The following GPC5 variants were observed in gnomAD, a reference collection of about 807,000 sequenced individuals.
The protein encoded by GPC5 is glypican-5.
GPC5 carries 47 observed loss-of-function variants against 53.9 expected under a neutral mutation model. The observed-to-expected ratio is 0.87, with a 90% CI of 0.69 to 1.11. GPC5 has a LOEUF of 1.11. Among genes scored for constraint, GPC5 ranks in the 50% most tolerant of loss-of-function variants. The pLI, the probability that GPC5 is intolerant of heterozygous loss-of-function variation, is 0.00. For missense variants in GPC5, 748 were observed against 713.1 expected, an observed-to-expected ratio of 1.05 and a Z score of -0.56; for synonymous variants, 286 against 263.3, an observed-to-expected ratio of 1.09 and a Z score of -0.84.
intron 6 of GPC5, among the ~76,000 whole-genome samples, chr13:92,081,129 A>T (rs190761246): frequency 9.9e-5 from 15 of 151,848 alleles, no homozygotes; most frequent in Admixed American, 8.5e-4. Flanking sequence ...TTTTTTTGAG[A>T]TGGAGTTTCG....
chr13:91,885,324 TC>T (rs2039310324), intron 5 of GPC5, among the ~76,000 whole-genome samples: 1 of 152,230 alleles, frequency 6.6e-6, no homozygotes. Context: ...AGAAGAAAAG[TC>T]TTATCTAAGC....
chr13:92,796,316 A>G (rs1233011482), intron 7 of GPC5, among the ~76,000 whole-genome samples: 3 of 152,034 alleles, frequency 2.0e-5, no homozygotes, highest in Non-Finnish European at 4.4e-5. Context: ...GAACAGTGAC[A>G]ACACTTGGAC....
intron 6 of GPC5, among the ~76,000 whole-genome samples, chr13:92,111,258 T>C (rs545772438): frequency 2.0e-5 from 3 of 152,296 alleles, no homozygotes; most frequent in East Asian, 3.9e-4. Flanking sequence ...ATTCCTTTTA[T>C]GATCCAGAGA....
chr13:92,719,147 A>C (rs1037405479), intron 7 of GPC5, among the ~76,000 whole-genome samples: 2 of 151,788 alleles, frequency 1.3e-5, no homozygotes, highest in African/African-American at 4.8e-5. Flanking sequence ...TGTATTTGAA[A>C]TACATAGATG....
chr13:91,451,229 G>T (rs910419400), intron 2 of GPC5, among the ~76,000 whole-genome samples: 1 of 152,112 alleles, frequency 6.6e-6, no homozygotes, highest in African/African-American at 2.4e-5. Flanking sequence ...TTTTCAAATA[G>T]TTCATTTATA....
intron 7 of GPC5, among the ~76,000 whole-genome samples, chr13:92,567,856 G>A (rs1303412185): frequency 4.6e-5 from 7 of 152,116 alleles, no homozygotes; most frequent in Non-Finnish European, 1.0e-4. Context: ...AGTTTGTGGC[G>A]ATGTGGTATG....
chr13:92,570,465 G>T (rs371396752), intron 7 of GPC5, among the ~76,000 whole-genome samples: 7 of 151,998 alleles, frequency 4.6e-5, no homozygotes, highest in Admixed American at 6.6e-5. Flanking sequence ...ATTTAGTTTG[G>T]CTTCCTCCAA....
intron 7 of GPC5, among the ~76,000 whole-genome samples, chr13:92,191,035 A>G (rs1415378855): frequency 6.6e-6 from 1 of 152,174 alleles, no homozygotes; most frequent in Non-Finnish European, 1.5e-5. Flanking sequence ...AAGATATACC[A>G]TGAACATAAT....
Position 91,796,927 on chromosome 13 carries a change from T to A in GPC5, c.1280+40507T>A, listed in dbSNP as rs532365787. ...GTATTTAGTTTTAAAATTAGTATTT[T>A]TCCTTTGTATTTGTTACCTGTGCTT... On this transcript the variant is annotated intron_variant, in intron 5 of 7. Coordinates refer to ENST00000377067, the MANE Select transcript of GPC5 (RefSeq NM_004466.6). 4.6e-5 allele frequency among the ~76,000 whole-genome samples: 7 copies of A among 152,318 alleles called. No homozygotes were observed. The East Asian group carries it at 1.4e-3, about 29-fold the overall frequency.
intron 2 of GPC5, among the ~76,000 whole-genome samples, chr13:91,678,305 G>T (rs554308460): frequency 1.3e-5 from 2 of 152,090 alleles, no homozygotes; most frequent in African/African-American, 4.8e-5. Context: ...AATTTAAACC[G>T]TTTTTAAGTC....
At chr13:92,820,737 T>C (rs1014903799) in intron 7 of GPC5, among the ~76,000 whole-genome samples, 2 of 152,194 alleles carry the variant, frequency 1.3e-5, no homozygotes, top group African/African-American at 4.8e-5. Flanking sequence ...CTAGAACATG[T>C]ATTTTCCTCT....
chr13:91,571,855 A>ACG (rs1221102668), intron 2 of GPC5, among the ~76,000 whole-genome samples: 2,297 of 131,790 alleles, frequency 0.017, 154 homozygotes, highest in Non-Finnish European at 0.028. Flanking sequence ...GTATATACAC[A>ACG]TATACGTGTG....
intron 2 of GPC5, among the ~76,000 whole-genome samples, chr13:91,652,394 T>C (rs1404262405): frequency 3.9e-5 from 6 of 152,200 alleles, no homozygotes; most frequent in African/African-American, 9.7e-5. Flanking sequence ...CTTTTACCTT[T>C]CAATTAAAGG....
At chr13:92,096,664 C>A (rs898236218) in intron 6 of GPC5, among the ~76,000 whole-genome samples, 3 of 152,184 alleles carry the variant, frequency 2.0e-5, no homozygotes, top group Non-Finnish European at 4.4e-5. Flanking sequence ...CTGTTCCTTT[C>A]TGCTATATGA....
chr13:92,518,892 T>G (rs1476595791), intron 7 of GPC5, among the ~76,000 whole-genome samples: 1 of 152,142 alleles, frequency 6.6e-6, no homozygotes, highest in Non-Finnish European at 1.5e-5. Flanking sequence ...CCATCTCACA[T>G]GCAGAGACAC....
At chr13:92,381,889 T>TATCATATATATGATATATATGA (rs753025655) in intron 7 of GPC5, among the ~76,000 whole-genome samples, 1 of 122,178 alleles carries the variant, frequency 8.2e-6, no homozygotes, top group Non-Finnish European at 1.7e-5. Flanking sequence ...ATTATATATA[T>TATCATATATATGATATATATGA]TATATATAAT....
At chr13:92,606,142 G>A (rs142474501) in intron 7 of GPC5, among the ~76,000 whole-genome samples, 2,232 of 152,016 alleles carry the variant, frequency 0.015, 28 homozygotes, top group Middle Eastern at 0.048. Flanking sequence ...CAACGTGCAG[G>A]TTTGTTACAT....
intron 1 of GPC5, among the ~76,000 whole-genome samples, chr13:91,437,333 T>C (rs1170234388): frequency 1.3e-5 from 2 of 152,222 alleles, no homozygotes; most frequent in Non-Finnish European, 2.9e-5. Context: ...TACCAATTGT[T>C]CCTTTCCATG....
intron 6 of GPC5, among the ~76,000 whole-genome samples, chr13:91,987,676 T>C (rs2040420769): frequency 6.7e-6 from 1 of 150,138 alleles, no homozygotes. Context: ...TGCTTTGGTC[T>C]TTTATGTGAC....
Sources: allele counts gnomAD v4.1 joint callset (sites outside exome capture counted in the v4.1 genomes callset), GRCh38; gene constraint gnomAD v4.1.1; transcripts MANE v1.5; gene names NCBI Gene and HGNC (gene_info 2026-07-23, HGNC 2026-07-21).